STPG2: variants seen among roughly 807,000 people sequenced by gnomAD.
STPG2 encodes the protein sperm-tail PG-rich repeat-containing protein 2.
A neutral mutation model predicts 54.2 loss-of-function variants in STPG2; 56 were observed. The ratio of observed to expected loss-of-function variants is 1.03; its 90% CI spans 0.83 to 1.29. STPG2 has a LOEUF of 1.29. STPG2 is among the 50% of genes most tolerant of loss of function. The pLI, the probability that STPG2 is intolerant of heterozygous loss-of-function variation, is 0.00. For synonymous variants in STPG2, 200 were observed against 181.8 expected, an observed-to-expected ratio of 1.10 and a Z score of -0.81; for missense variants, 596 against 544.9, an observed-to-expected ratio of 1.09 and a Z score of -0.93.
chr4:97,899,095 C>T (rs1731069771), intron 8 of STPG2, among the ~76,000 whole-genome samples: 1 of 151,754 alleles, frequency 6.6e-6, no homozygotes, highest in Non-Finnish European at 1.5e-5. Flanking sequence ...CCCAAAAGCT[C>T]CTTCAGCTAA....
At chr4:98,048,658 C>G (rs1335302159) in intron 5 of STPG2, 1 of 156,164 alleles carries the variant, frequency 6.4e-6, no homozygotes, top group East Asian at 1.7e-4. Context: ...CCTGAGCACA[C>G]CGCAGACTCA....
At chr4:97,697,868 G>A (rs1723635685) in intron 10 of STPG2, among the ~76,000 whole-genome samples, 1 of 152,200 alleles carries the variant, frequency 6.6e-6, no homozygotes, top group South Asian at 2.1e-4. Flanking sequence ...TAATTAGCCA[G>A]AACCCATCCC....
chr4:97,560,986 A>C (rs1420128847), intron 10 of STPG2, among the ~76,000 whole-genome samples: 2 of 152,192 alleles, frequency 1.3e-5, no homozygotes, highest in Non-Finnish European at 1.5e-5. Context: ...TGGCCGGGTC[A>C]AATGGTATTT....
chr4:97,559,550 T>C (rs1041758208), intron 10 of STPG2, among the ~76,000 whole-genome samples: 2 of 152,220 alleles, frequency 1.3e-5, no homozygotes, highest in South Asian at 4.1e-4. Context: ...TTGTTCTTTA[T>C]TTTTCCTCTG....
At chr4:97,818,964 A>T (rs1229410209) in intron 9 of STPG2, among the ~76,000 whole-genome samples, 1 of 147,744 alleles carries the variant, frequency 6.8e-6, no homozygotes. Flanking sequence ...ATACATATTT[A>T]TATATAATAT....
chr4:97,493,050 C>T (rs1053568830), intron 4 of STPG2, among the ~76,000 whole-genome samples: 1 of 150,394 alleles, frequency 6.6e-6, no homozygotes, highest in African/African-American at 2.4e-5. Flanking sequence ...TGAAAACATC[C>T]GTTTTTCAGT....
intron 8 of STPG2, among the ~76,000 whole-genome samples, chr4:97,925,343 T>A (rs1185402094): frequency 1.3e-5 from 2 of 152,232 alleles, no homozygotes; most frequent in African/African-American, 4.8e-5. Context: ...GCTGTTTGCT[T>A]ATCAAACCCA....
chr4:98,082,731 T>G (rs960735283), intron 5 of STPG2, among the ~76,000 whole-genome samples: 1 of 151,834 alleles, frequency 6.6e-6, no homozygotes, highest in Admixed American at 6.6e-5. Context: ...GGATTACAGG[T>G]GTGAGCCACC....
chr4:98,053,679 C>T (rs1006909924), intron 5 of STPG2, among the ~76,000 whole-genome samples: 1 of 151,994 alleles, frequency 6.6e-6, no homozygotes, highest in Non-Finnish European at 1.5e-5. Flanking sequence ...TATCTTTGTC[C>T]TTCACAAGAA....
chr4:97,641,257 A>G (rs1205571622), intron 10 of STPG2, among the ~76,000 whole-genome samples: 4 of 151,694 alleles, frequency 2.6e-5, no homozygotes, highest in African/African-American at 4.8e-5. Flanking sequence ...GCTAGAACTA[A>G]GAAGTTAATT....
chr4:97,832,161 C>G (rs947664813), intron 9 of STPG2, among the ~76,000 whole-genome samples: 1 of 152,112 alleles, frequency 6.6e-6, no homozygotes, highest in African/African-American at 2.4e-5. Context: ...CATCAAAAAG[C>G]TTATCCACCA....
intron 8 of STPG2, among the ~76,000 whole-genome samples, chr4:97,921,555 A>C (rs1413368399): frequency 2.6e-5 from 4 of 152,036 alleles, no homozygotes; most frequent in Non-Finnish European, 5.9e-5. Flanking sequence ...AGCAGAAGAA[A>C]GAATTAGTGA....
intron 10 of STPG2, among the ~76,000 whole-genome samples, chr4:97,621,612 G>A (rs900668453): frequency 6.6e-6 from 1 of 152,072 alleles, no homozygotes; most frequent in African/African-American, 2.4e-5. Context: ...CCAACAGTGA[G>A]TTCCAAATTT....
At chr4:97,610,236 G>A (rs1733698438) in intron 10 of STPG2, among the ~76,000 whole-genome samples, 2 of 152,030 alleles carry the variant, frequency 1.3e-5, no homozygotes, top group South Asian at 4.1e-4. Context: ...AAGCTTACAT[G>A]TAGCCACTAA....
intron 8 of STPG2, among the ~76,000 whole-genome samples, chr4:97,920,120 G>C (rs1179373327): frequency 2.6e-5 from 4 of 152,150 alleles, no homozygotes; most frequent in African/African-American, 4.8e-5. Context: ...CCAATTGAGA[G>C]ACAAAACACT....
Position 97,981,223 on chromosome 4 carries a change from T to C in STPG2, c.708A>G (p.Lys236=). The change falls in exon 6 of 11, where the codon AAA becomes AAG. Residue 236 remains lysine (K), a synonymous_variant. Coordinates refer to ENST00000295268, the MANE Select transcript of STPG2 (RefSeq NM_174952.3). ...LKSLKKTSGL[K]NIPFGQSAVR... ...CAGCACTTTGACCAAATGGAATATT[T>C]TTCAGTCCTGATGTTTTCTTCAAAG... is the stretch of plus-strand genomic sequence containing the variant. 1 of 1,614,036 alleles carries C rather than the reference T, an allele frequency of 6.2e-7. No homozygotes were observed. The highest frequency in any genetic ancestry group is 2.2e-5 in the East Asian group (1 of 44,834).
intron 9 of STPG2, among the ~76,000 whole-genome samples, chr4:97,720,583 G>C: frequency 6.6e-6 from 1 of 151,966 alleles, no homozygotes; most frequent in South Asian, 2.1e-4. Flanking sequence ...TTCTCTAAAA[G>C]GTGAACTGGG....
chr4:98,114,118 A>G (rs923342004), intron 3 of STPG2, among the ~76,000 whole-genome samples: 1 of 152,080 alleles, frequency 6.6e-6, no homozygotes, highest in African/African-American at 2.4e-5. Context: ...GAACTTAAGG[A>G]AGAGAGAGAA....
At chr4:98,042,195 C>A (rs894022117) in intron 5 of STPG2, among the ~76,000 whole-genome samples, 2 of 148,062 alleles carry the variant, frequency 1.4e-5, no homozygotes, top group Admixed American at 6.7e-5. Flanking sequence ...TTTTTCATTT[C>A]TGATTCTTTA....
Sources: allele counts gnomAD v4.1 joint callset (sites outside exome capture counted in the v4.1 genomes callset), GRCh38; gene constraint gnomAD v4.1.1; transcripts MANE v1.5; gene names NCBI Gene and HGNC (gene_info 2026-07-23, HGNC 2026-07-21).